The following SLC1A3 variants were observed in gnomAD, a reference collection of about 807,000 sequenced individuals.
SLC1A3 encodes excitatory amino acid transporter 1.
SLC1A3 carries 21 observed loss-of-function variants against 48.1 expected under a neutral mutation model. The observed-to-expected ratio is 0.44, with a 90% CI of 0.31 to 0.63. The LOEUF (loss-of-function observed/expected upper bound fraction) is 0.63. Among genes scored for constraint, SLC1A3 ranks in the 20% least tolerant of loss-of-function variants. The pLI is 0.08. For synonymous variants in SLC1A3, 239 were observed against 251.4 expected (o/e 0.95, Z 0.47); for missense variants, 546 against 689.0 (o/e 0.79, Z 2.32).
rs371888623 is a variant in SLC1A3 at position 36,686,135 on chromosome 5, C to A, written c.1495C>A (p.Arg499=). 7 of 1,613,958 alleles carry A rather than the reference C, an allele frequency of 4.3e-6. No homozygotes were observed. Among genetic ancestry groups the A allele is most frequent in the Non-Finnish European group, 5.9e-6 (7 of 1,179,990 alleles). ...LGAGIVEHLS[R]HELKNRDVEM... ...AGCTGGGATTGTGGAGCACTTGTCA[C>A]GACATGAACTGAAGAACAGAGATGT... is the stretch of plus-strand genomic sequence containing the variant. Residue 499 remains arginine, a synonymous_variant, in exon 10 of 10, where the codon CGA becomes AGA. Transcript: ENST00000265113.
intron 3 of SLC1A3, among the ~76,000 whole-genome samples, chr5:36,632,162 T>C (rs1279302956): frequency 1.3e-5 from 2 of 152,198 alleles, no homozygotes; most frequent in African/African-American, 2.4e-5. Context: ...CAGAATAATA[T>C]GGCAAAAGGC....
intron 1 of SLC1A3, among the ~76,000 whole-genome samples, chr5:36,607,617 A>G (rs114738345): frequency 0.036 from 5,434 of 152,324 alleles, 126 homozygotes; most frequent in Non-Finnish European, 0.054. Context: ...ACACTACTTC[A>G]TACTTCTACT....
intron 3 of SLC1A3, among the ~76,000 whole-genome samples, chr5:36,657,891 C>T (rs536748695): frequency 1.6e-4 from 25 of 152,350 alleles, no homozygotes; most frequent in Non-Finnish European, 2.4e-4. Context: ...CTGCGCTGAC[C>T]GCACTGCATT....
At chr5:36,672,701 TGTAAACACTACCCAAGGGGCC>T in intron 4 of SLC1A3, among the ~76,000 whole-genome samples, 1 of 152,316 alleles carries the variant, frequency 6.6e-6, no homozygotes. Context: ...TCTCTATGTA[TGTAAACACTACCCAAGGGGCC>T]TCTTCTTGAA....
At chr5:36,602,728 G>T (rs567176643), upstream of SLC1A3, among the ~76,000 whole-genome samples, 1 of 152,240 alleles carries the variant, frequency 6.6e-6, no homozygotes, top group South Asian at 2.1e-4. Context: ...CTATTTGGGG[G>T]GGTTCCTCTT....
chr5:36,673,919 A>G, intron 4 of SLC1A3, 130 bp from the exon 5 acceptor site: 1 of 765,532 alleles, frequency 1.3e-6, no homozygotes, highest in South Asian at 1.5e-5. Flanking sequence ...TGTAAAATCC[A>G]CTAACATTTT....
chr5:36,642,479 T>G (rs1740654297), intron 3 of SLC1A3, among the ~76,000 whole-genome samples: 1 of 152,210 alleles, frequency 6.6e-6, no homozygotes, highest in South Asian at 2.1e-4. Flanking sequence ...TTGTATGATG[T>G]CCCTAAAATT....
chr5:36,623,819 C>T (rs924324580), intron 2 of SLC1A3, among the ~76,000 whole-genome samples: 1 of 148,196 alleles, frequency 6.7e-6, no homozygotes, highest in African/African-American at 2.5e-5. Flanking sequence ...GCCGAGATTG[C>T]GCCACTGCAC....
chr5:36,641,551 C>A (rs1260556002), intron 3 of SLC1A3, among the ~76,000 whole-genome samples: 1 of 152,008 alleles, frequency 6.6e-6, no homozygotes, highest in African/African-American at 2.4e-5. Flanking sequence ...CATACCTAAA[C>A]TACACACTAA....
At chr5:36,617,258 C>T (rs1040008045) in intron 2 of SLC1A3, among the ~76,000 whole-genome samples, 1 of 152,056 alleles carries the variant, frequency 6.6e-6, no homozygotes, top group African/African-American at 2.4e-5. Context: ...ATGGCCTAAA[C>T]TAAGTAAACT....
chr5:36,627,338 A>G (rs565867799), intron 2 of SLC1A3, among the ~76,000 whole-genome samples: 2 of 152,272 alleles, frequency 1.3e-5, no homozygotes, highest in South Asian at 2.1e-4. Flanking sequence ...CAATCTTTTT[A>G]TGATAATACT....
intron 3 of SLC1A3, among the ~76,000 whole-genome samples, chr5:36,644,014 A>AAAATAAATAAATAAAT (rs57649957): frequency 1.4e-4 from 14 of 101,722 alleles, no homozygotes; most frequent in African/African-American, 3.4e-4. Flanking sequence ...TCCGTCTCAA[A>AAAATAAATAAATAAAT]AAATAAATAA....
At chr5:36,600,482 G>A (rs900848988) in intron 1 of SLC1A3, among the ~76,000 whole-genome samples, 2 of 152,106 alleles carry the variant, frequency 1.3e-5, no homozygotes, top group African/African-American at 4.8e-5. Context: ...ATTATTAAGC[G>A]ATTTTGAAAA....
intron 3 of SLC1A3, 48 bp downstream of exon 3, chr5:36,629,635 AT>A (rs1016758289): frequency 2.0e-6 from 3 of 1,504,554 alleles, no homozygotes; most frequent in Non-Finnish European, 9.2e-7. Flanking sequence ...AAGTGTGTTT[AT>A]TGCAAAAGAT....
intron 3 of SLC1A3, among the ~76,000 whole-genome samples, chr5:36,662,900 C>T (rs181370877): frequency 1.8e-4 from 27 of 152,298 alleles, no homozygotes; most frequent in African/African-American, 6.3e-4. Flanking sequence ...GCTGCTTACC[C>T]GGGAGAGGCA....
At chr5:36,617,536 C>T (rs1204362665) in intron 2 of SLC1A3, among the ~76,000 whole-genome samples, 1 of 150,154 alleles carries the variant, frequency 6.7e-6, no homozygotes, top group South Asian at 2.1e-4. Flanking sequence ...TGACCCCTGT[C>T]CCCCAAGGTT....
At chr5:36,672,651 G>A (rs1206894465) in intron 4 of SLC1A3, among the ~76,000 whole-genome samples, 1 of 152,172 alleles carries the variant, frequency 6.6e-6, no homozygotes, top group Non-Finnish European at 1.5e-5. Context: ...GGTACCTTCA[G>A]CAGCACCTCT....
intron 9 of SLC1A3, among the ~76,000 whole-genome samples, chr5:36,685,389 G>T (rs574109930): frequency 6.6e-6 from 1 of 152,246 alleles, no homozygotes; most frequent in African/African-American, 2.4e-5. Flanking sequence ...TGATTCTCCT[G>T]CCTCAGCCTC....
intron 6 of SLC1A3, among the ~76,000 whole-genome samples, 199 bp from the exon 7 acceptor site, chr5:36,679,428 T>C (rs1215139622): frequency 2.0e-5 from 3 of 152,164 alleles, no homozygotes; most frequent in Non-Finnish European, 4.4e-5. Flanking sequence ...AGGGGAAATT[T>C]ATATTTACAA....
Sources: allele counts gnomAD v4.1 joint callset (sites outside exome capture counted in the v4.1 genomes callset), GRCh38; gene constraint gnomAD v4.1.1; transcripts MANE v1.5; gene names NCBI Gene and HGNC (gene_info 2026-07-23, HGNC 2026-07-21).